The following AVEN variants were observed in gnomAD, a reference collection of about 807,000 sequenced individuals.
AVEN encodes apoptosis and caspase activation inhibitor.
A neutral mutation model predicts 38.1 loss-of-function variants in AVEN; 41 were observed. The ratio of observed to expected loss-of-function variants is 1.08; its 90% CI spans 0.84 to 1.40. The LOEUF is 1.40. Ranked by LOEUF, AVEN falls within the 40% of genes most tolerant of loss-of-function variation. AVEN has a pLI of 0.00. For missense variants in AVEN, 605 were observed against 438.8 expected (o/e 1.38, Z -3.38); for synonymous variants, 206 against 171.8 (o/e 1.20, Z -1.56).
At chr15:33,986,750 A>G (rs1026817524) in intron 2 of AVEN, among the ~76,000 whole-genome samples, 3 of 146,942 alleles carry the variant, frequency 2.0e-5, no homozygotes, top group Admixed American at 6.8e-5. Context: ...TCCGCCTCCC[A>G]GGTTCAAGCG....
At chr15:33,957,920 G>A (rs1372215652) in intron 2 of AVEN, among the ~76,000 whole-genome samples, 1 of 152,154 alleles carries the variant, frequency 6.6e-6, no homozygotes, top group Non-Finnish European at 1.5e-5. Flanking sequence ...CCTGAACCCA[G>A]TGGCACTTGG....
downstream of AVEN, chr15:33,865,327 T>TAAATGCCTCCCTTAAAAA: frequency 1.2e-6 from 1 of 804,396 alleles, no homozygotes; most frequent in South Asian, 1.8e-5. Flanking sequence ...TGACATTTTC[T>TAAATGCCTCCCTTAAAAA]AAATGCCTCC....
At chr15:33,929,228 G>A (rs747580785) in intron 2 of AVEN, among the ~76,000 whole-genome samples, 3 of 152,104 alleles carry the variant, frequency 2.0e-5, no homozygotes, top group Non-Finnish European at 4.4e-5. Context: ...GTTCTTTGAG[G>A]CATTCTGCTT....
chr15:34,056,771 C>T (rs8029344), intron 5 of AVEN, among the ~76,000 whole-genome samples: 50,060 of 151,862 alleles, frequency 0.33, 9,076 homozygotes, highest in African/African-American at 0.47. Context: ...AATCCCAGCA[C>T]TTTGGAAGGT....
At chr15:33,995,013 G>T (rs1827529496) in intron 2 of AVEN, among the ~76,000 whole-genome samples, 1 of 152,162 alleles carries the variant, frequency 6.6e-6, no homozygotes, top group South Asian at 2.1e-4. Flanking sequence ...TGTAATCTCA[G>T]CACTTTGGGA....
downstream of AVEN, chr15:33,857,965 G>GC (rs2079877399): frequency 6.2e-7 from 1 of 1,604,778 alleles, no homozygotes; most frequent in African/African-American, 1.3e-5. Context: ...GGGCCACCCC[G>GC]CCCCACCACC....
downstream of AVEN, among the ~76,000 whole-genome samples, chr15:33,862,315 A>ACATC (rs1888571622): frequency 6.6e-6 from 1 of 151,864 alleles, no homozygotes. Context: ...CAGGCTCAAG[A>ACATC]CATCCGCCTC....
At chr15:33,972,162 G>A (rs904324451) in intron 2 of AVEN, 2 of 152,096 alleles carry the variant, frequency 1.3e-5, no homozygotes, top group African/African-American at 4.8e-5. Context: ...AAAAGCGGGA[G>A]TAAACATCAT....
chr15:33,876,347 G>A lies in AVEN; in HGVS notation c.446-352C>T, dbSNP rs910629154. ...AGCACTTTGGGAGGCTGAGGCGGGT[G>A]GATTACTTGAGGTCAGGAGTACAAG... is the stretch of plus-strand genomic sequence containing the variant. On this transcript the variant is annotated intron_variant, in intron 2 of 5. Coordinates refer to ENST00000306730, the MANE Select transcript of AVEN (RefSeq NM_020371.3). Among the ~76,000 whole-genome samples the A allele has an allele frequency of 2.5e-4, 38 of 152,238 alleles. 1 individual carries two copies. Among genetic ancestry groups the A allele is most frequent in the Admixed American group, 1.6e-3 (25 of 15,298 alleles).
intron 2 of AVEN, among the ~76,000 whole-genome samples, chr15:33,988,045 A>AG (rs1396113268): frequency 6.6e-6 from 1 of 152,244 alleles, no homozygotes; most frequent in Non-Finnish European, 1.5e-5. Context: ...GGAGCCTCAC[A>AG]GTGCAGTGCC....
chr15:34,070,204 C>T (rs1302913678), intron 2 of AVEN, among the ~76,000 whole-genome samples: 3 of 152,186 alleles, frequency 2.0e-5, no homozygotes, highest in Admixed American at 1.3e-4. Flanking sequence ...GAGAACAGCA[C>T]GGGGGAAACC....
At chr15:33,901,732 T>G (rs1271630802) in intron 2 of AVEN, among the ~76,000 whole-genome samples, 1 of 152,214 alleles carries the variant, frequency 6.6e-6, no homozygotes, top group Non-Finnish European at 1.5e-5. Context: ...TATCTCATGG[T>G]AGTTTTAATT....
chr15:33,932,758 G>A (rs1399098954), intron 2 of AVEN, among the ~76,000 whole-genome samples: 2 of 152,072 alleles, frequency 1.3e-5, no homozygotes, highest in African/African-American at 2.4e-5. Context: ...CCTAGAGATG[G>A]AGGTTGCAGT....
chr15:34,027,528 C>CA lies in AVEN; in HGVS notation c.267+11251dup, dbSNP rs35780353. Reference sequence around the variant, plus strand: ...TGGATGACAAAGAGAGACTCTGTCTCAAAAAAAAAAAAAGAAAGAAAACGA... The same window carrying CA: ...TGGATGACAAAGAGAGACTCTGTCTCAAAAAAAAAAAAAAGAAAGAAAACGA... On this transcript the variant is annotated intron_variant, in intron 1 of 5. Coordinates refer to ENST00000306730, the MANE Select transcript of AVEN (RefSeq NM_020371.3). Among the ~76,000 whole-genome samples, 117 of 132,572 alleles carry CA rather than the reference C, an allele frequency of 8.8e-4. 1 individual carries two copies. Among genetic ancestry groups the CA allele is most frequent in the African/African-American group, 2.2e-3 (79 of 35,496 alleles). The allele number at this position is 132,572 out of a possible 152,430, so 87.0% of individuals were successfully genotyped here. A position where few individuals can be genotyped will look rare whatever the true frequency, so the allele number is the denominator to read the frequency against.
downstream of AVEN, chr15:33,865,564 C>T (rs970999148): frequency 1.8e-5 from 4 of 223,470 alleles, no homozygotes; most frequent in African/African-American, 6.8e-5. Flanking sequence ...TATGAAATCT[C>T]GAATGTGTAA....
intron 5 of AVEN, among the ~76,000 whole-genome samples, chr15:34,044,326 G>C: frequency 6.6e-6 from 1 of 152,104 alleles, no homozygotes; most frequent in East Asian, 1.9e-4. Flanking sequence ...CAATGGTCAG[G>C]TCACTGGCCT....
intron 5 of AVEN, among the ~76,000 whole-genome samples, chr15:34,048,402 C>G (rs1170463294): frequency 6.6e-6 from 1 of 150,712 alleles, no homozygotes; most frequent in Non-Finnish European, 1.5e-5. Flanking sequence ...AGGAAGGGTC[C>G]CCCACAACGA....
At chr15:33,859,434 T>C (rs2080098974) in intron 11 of AVEN, 3 of 783,358 alleles carry the variant, frequency 3.8e-6, no homozygotes, top group Non-Finnish European at 6.3e-6. Context: ...GCTAGCAGCA[T>C]GAATACTGGC....
intron 2 of AVEN, among the ~76,000 whole-genome samples, chr15:33,900,615 A>G (rs1288786636): frequency 9.4e-6 from 1 of 106,840 alleles, no homozygotes; most frequent in Admixed American, 9.7e-5. Context: ...CCAATTTAGT[A>G]ATTTTTAAAT....
Sources: allele counts gnomAD v4.1 joint callset (sites outside exome capture counted in the v4.1 genomes callset), GRCh38; gene constraint gnomAD v4.1.1; transcripts MANE v1.5; gene names NCBI Gene and HGNC (gene_info 2026-07-23, HGNC 2026-07-21).